Variants in CEP57 observed in about 807,000 individuals in gnomAD.
CEP57 encodes the protein centrosomal protein of 57 kDa.
Under a neutral mutation model 68.0 loss-of-function variants are expected in CEP57, and 40 were observed. The ratio of observed to expected loss-of-function variants is 0.59; its 90% CI spans 0.46 to 0.77. The LOEUF is 0.77. Among genes scored for constraint, CEP57 ranks in the 30% least tolerant of loss-of-function variants. The pLI is 0.00. For synonymous variants in CEP57, 219 were observed against 198.7 expected (o/e 1.10, Z -0.86); for missense variants, 606 against 580.7 (o/e 1.04, Z -0.45).
chr11:95,825,593 CT>C (rs540463994), intron 8 of CEP57: 6,727 of 129,668 alleles, frequency 0.052, 176 homozygotes, highest in South Asian at 0.11. Context: ...CTGCTTTTGA[CT>C]TTTTTTTTTT....
At position 95,790,727 on chromosome 11, in the gene CEP57, C is replaced by T. The variant is rs752283181; in HGVS notation, c.29C>T (p.Ser10Phe). The change falls in exon 1 of 11, where the codon TCT (serine) becomes TTT (phenylalanine). Residue 10 changes from serine to phenylalanine, a missense_variant. By Grantham distance (155) the Ser-to-Phe change is radical (BLOSUM62 -2). Coordinates refer to ENST00000325542, the MANE Select transcript of CEP57 (RefSeq NM_014679.5). Reference sequence around the variant, plus strand: ...GCGGCGGCGTCTGTCTCTGCGGCTTCTGGTTCTCACTTGTCGGTAAGAAGC... The same window carrying T: ...GCGGCGGCGTCTGTCTCTGCGGCTTTTGGTTCTCACTTGTCGGTAAGAAGC... Reference protein sequence around the residue: MAAASVSAASGSHLSNSFAE... With the variant: MAAASVSAAFGSHLSNSFAE... The T allele has an allele frequency of 6.2e-6, 10 of 1,614,052 alleles. No homozygotes were observed. The East Asian group carries it at 2.2e-4, about 36-fold the overall frequency.
chr11:95,802,770 T>A (rs537735193), intron 2 of CEP57, among the ~76,000 whole-genome samples: 1 of 152,332 alleles, frequency 6.6e-6, no homozygotes, highest in African/African-American at 2.4e-5. Context: ...TTAATAGTAT[T>A]ATGAAAATAG....
intron 2 of CEP57, among the ~76,000 whole-genome samples, chr11:95,804,163 A>C (rs569731322): frequency 6.6e-6 from 1 of 152,344 alleles, no homozygotes. Flanking sequence ...AAAATGAAAC[A>C]AAAAATAAAT....
chr11:95,815,650 A>G (rs933286267), intron 4 of CEP57, among the ~76,000 whole-genome samples: 2 of 152,062 alleles, frequency 1.3e-5, no homozygotes, highest in South Asian at 4.1e-4. Flanking sequence ...GTTAGGCTTG[A>G]TGGTTTTCAC....
intron 6 of CEP57, among the ~76,000 whole-genome samples, chr11:95,820,609 A>AT: frequency 6.7e-6 from 1 of 150,202 alleles, no homozygotes. Context: ...AGTGTTCTGC[A>AT]TTTTGCATCT....
At chr11:95,794,268 A>G (rs1358851844) in intron 1 of CEP57, 3 of 455,808 alleles carry the variant, frequency 6.6e-6, no homozygotes, top group Non-Finnish European at 1.3e-5. Context: ...GTCATGGAAT[A>G]TGTACTGTGA....
chr11:95,830,374 A>T (rs1264362120), intron 10 of CEP57, among the ~76,000 whole-genome samples: 2 of 152,196 alleles, frequency 1.3e-5, no homozygotes, highest in Non-Finnish European at 2.9e-5. Flanking sequence ...TTATTCCTGT[A>T]GGAGTAAGGA....
intron 8 of CEP57, among the ~76,000 whole-genome samples, chr11:95,825,532 A>G (rs944718930): frequency 1.3e-5 from 2 of 152,208 alleles, no homozygotes; most frequent in Non-Finnish European, 2.9e-5. Context: ...GTAATGTCAG[A>G]AAACAAGTTG....
In CEP57 at chr11:95,817,798, A is replaced by C. The variant is rs772095352; in HGVS notation, c.516A>C (p.Glu172Asp). The change falls in exon 5 of 11, where the codon GAA becomes GAC. Residue 172 changes from glutamate to aspartate, a missense_variant. Physicochemically the swap from Glu to Asp is conservative, Grantham distance 45. Coordinates refer to ENST00000325542, the MANE Select transcript of CEP57 (RefSeq NM_014679.5). ...ATATTGTTTTTCAGGTTTCCCTAGA[A>C]AGAGAACGACAACATGATCAAACAC... ...TSVLEKQVSL[E>D]RERQHDQTHV... 3.7e-6 allele frequency: 6 copies of C among 1,612,224 alleles called. No individual in the cohort carries two copies. In the African/African-American group the frequency reaches 8.0e-5, roughly 22 times the overall value.
rs1862554982 is a variant in CEP57 at position 95,822,415 on chromosome 11, C to T, written c.808-84C>T. The T allele has an allele frequency of 3.9e-6, 4 of 1,025,542 alleles. No individual in the cohort carries two copies. The Admixed American group carries it at 7.5e-5, about 19-fold the overall frequency. The allele number at this position is 1,025,542 out of a possible 1,614,324, so 63.5% of individuals were successfully genotyped here. On this transcript the variant is annotated intron_variant, in intron 7 of 10. Coordinates refer to ENST00000325542, the MANE Select transcript of CEP57 (RefSeq NM_014679.5). ...AGGCAAGTAGTAGCCTAGTAGTTAA[C>T]TGAAGTTTCAAGTTAGTCATGTATA...
At chr11:95,796,455 G>A (rs1357094161) in intron 1 of CEP57, among the ~76,000 whole-genome samples, 1 of 152,140 alleles carries the variant, frequency 6.6e-6, no homozygotes, top group East Asian at 1.9e-4. Context: ...TGTGCTATTT[G>A]TTAAATATAA....
At chr11:95,806,681 T>A (rs1861816769) in intron 2 of CEP57, among the ~76,000 whole-genome samples, 1 of 152,106 alleles carries the variant, frequency 6.6e-6, no homozygotes, top group Non-Finnish European at 1.5e-5. Context: ...GGGAGGGGCA[T>A]CCGCAATTGC....
At chr11:95,807,517 A>T (rs1196544268) in intron 2 of CEP57, among the ~76,000 whole-genome samples, 3 of 152,200 alleles carry the variant, frequency 2.0e-5, no homozygotes, top group African/African-American at 7.2e-5. Flanking sequence ...CGTAGAGAAG[A>T]CCTTAAATGA....
At chr11:95,817,359 C>CT (rs1397264430) in intron 4 of CEP57, among the ~76,000 whole-genome samples, 1 of 151,868 alleles carries the variant, frequency 6.6e-6, no homozygotes. Context: ...GAGCGAGACT[C>CT]TATCTCAAAA....
At chr11:95,823,552 G>GT (rs201434393) in intron 8 of CEP57, among the ~76,000 whole-genome samples, 14 of 151,030 alleles carry the variant, frequency 9.3e-5, no homozygotes, top group Non-Finnish European at 1.6e-4. Context: ...ATATACACAA[G>GT]TTTTTTTTAA....
intron 2 of CEP57, among the ~76,000 whole-genome samples, chr11:95,802,251 C>T (rs35368771): frequency 0.033 from 4,962 of 150,042 alleles, 107 homozygotes; most frequent in Non-Finnish European, 0.051. Flanking sequence ...ATAAACGTGA[C>T]ATGATTTTTT....
At chr11:95,802,464 A>G (rs1471617469) in intron 2 of CEP57, among the ~76,000 whole-genome samples, 1 of 152,076 alleles carries the variant, frequency 6.6e-6, no homozygotes, top group Admixed American at 6.6e-5. Flanking sequence ...CATGTTGGCC[A>G]GGATGGTCTC....
intron 8 of CEP57, chr11:95,822,856 A>T (rs2135355696): frequency 2.4e-6 from 1 of 422,258 alleles, no homozygotes; most frequent in South Asian, 2.4e-5. Flanking sequence ...GATAGGGGTC[A>T]AGGAAATAAG....
chr11:95,790,864 C>T, intron 1 of CEP57, 121 bp downstream of exon 1: 1 of 1,105,884 alleles, frequency 9.0e-7, no homozygotes, highest in Non-Finnish European at 1.3e-6. Context: ...GGCGGGAATG[C>T]CTAGATTGCC....
Sources: gnomAD v4.1 joint callset for allele counts (sites outside exome capture counted in the v4.1 genomes callset) on GRCh38, gnomAD v4.1.1 for gene constraint, MANE v1.5 for transcripts, NCBI Gene and HGNC (gene_info 2026-07-23, HGNC 2026-07-21) for gene names.